The following KAZN variants were observed in gnomAD, a reference collection of about 807,000 sequenced individuals.
KAZN encodes the protein kazrin.
In KAZN, 40 loss-of-function variants were observed where a neutral mutation model predicts 87.4. The ratio of observed to expected loss-of-function variants is 0.46; its 90% CI spans 0.36 to 0.60. The LOEUF is 0.60. KAZN is among the 20% of genes least tolerant of loss of function. The pLI, the probability that KAZN is intolerant of heterozygous loss-of-function variation, is 0.00. For synonymous variants in KAZN, 466 were observed against 458.3 expected, an observed-to-expected ratio of 1.02 and a Z score of -0.22; for missense variants, 898 against 1,073.9, an observed-to-expected ratio of 0.84 and a Z score of 2.29.
intron 1 of KAZN, among the ~76,000 whole-genome samples, chr1:14,107,363 TTTTGTTTG>T (rs143992993): frequency 0.14 from 21,835 of 151,436 alleles, 2,109 homozygotes; most frequent in Middle Eastern, 0.26. Context: ...CAAGATGGTT[TTTTGTTTG>T]TTTGTTTGTT....
At chr1:14,008,077 T>C (rs1472962999) in intron 1 of KAZN, among the ~76,000 whole-genome samples, 1 of 152,198 alleles carries the variant, frequency 6.6e-6, no homozygotes, top group African/African-American at 2.4e-5. Flanking sequence ...TAGAAGTAAT[T>C]GGCATTGTGG....
chr1:15,098,804 C>T (rs761609703), intron 10 of KAZN, among the ~76,000 whole-genome samples: 1 of 152,264 alleles, frequency 6.6e-6, no homozygotes, highest in Non-Finnish European at 1.5e-5. Context: ...AGATGACCCG[C>T]TCACCCAGCA....
chr1:14,611,463 G>A (rs1289057799), intron 1 of KAZN, among the ~76,000 whole-genome samples: 1 of 152,128 alleles, frequency 6.6e-6, no homozygotes, highest in African/African-American at 2.4e-5. Context: ...GAGGTGGGAG[G>A]ATTGCTTGAG....
At position 15,075,475 on chromosome 1, in the gene KAZN, G is replaced by C. The variant is rs184124296; in HGVS notation, c.1222+9722G>C. ...ACCACACCTTTTACTCTCATTCGGTGGATCACCGACTGGAAACTATTGGGA... is the reference window on the plus strand; with the variant it reads ...ACCACACCTTTTACTCTCATTCGGTCGATCACCGACTGGAAACTATTGGGA... On this transcript the variant is annotated intron_variant, in intron 8 of 14. Coordinates refer to ENST00000376030, the MANE Select transcript of KAZN (RefSeq NM_201628.3). 1.2e-4 allele frequency among the ~76,000 whole-genome samples: 18 copies of C among 152,312 alleles called. No homozygotes were observed. The East Asian group carries it at 3.5e-3, about 29-fold the overall frequency.
chr1:14,393,842 CAAAAAAAA>C (rs35205129), intron 2 of KAZN, among the ~76,000 whole-genome samples: 1 of 87,020 alleles, frequency 1.1e-5, no homozygotes, highest in Non-Finnish European at 2.1e-5. Context: ...GACCCAATCT[CAAAAAAAA>C]AAAAAAAAAA....
chr1:14,322,607 G>A (rs957806224), intron 2 of KAZN, among the ~76,000 whole-genome samples: 3 of 152,176 alleles, frequency 2.0e-5, no homozygotes, highest in Non-Finnish European at 2.9e-5. Context: ...GAATGGACTA[G>A]GTTATGCTGT....
chr1:15,006,453 G>C (rs1333024572), intron 2 of KAZN, among the ~76,000 whole-genome samples: 6 of 152,178 alleles, frequency 3.9e-5, no homozygotes, highest in African/African-American at 1.4e-4. Context: ...TCCTGACAGC[G>C]AGCCGGGAAA....
intron 2 of KAZN, among the ~76,000 whole-genome samples, chr1:14,528,183 C>A (rs1335088694): frequency 6.6e-6 from 1 of 151,384 alleles, no homozygotes; most frequent in Non-Finnish European, 1.5e-5. Flanking sequence ...ACTAAAAATA[C>A]AAAAATTAGC....
chr1:14,866,740 A>G (rs1409775603), intron 1 of KAZN, among the ~76,000 whole-genome samples: 1 of 152,098 alleles, frequency 6.6e-6, no homozygotes, highest in East Asian at 1.9e-4. Flanking sequence ...AAAAAAAAAA[A>G]TGTTGAAGGA....
chr1:15,055,986 C>G, intron 4 of KAZN, 105 bp from the exon 5 acceptor site: 2 of 1,120,796 alleles, frequency 1.8e-6, no homozygotes, highest in Non-Finnish European at 1.3e-6. Flanking sequence ...ATACCCGGTG[C>G]AGAGGATCCG....
intron 1 of KAZN, among the ~76,000 whole-genome samples, chr1:14,068,670 T>G (rs935035174): frequency 3.3e-5 from 5 of 152,238 alleles, no homozygotes; most frequent in Admixed American, 6.5e-5. Flanking sequence ...GGGGCTTTCA[T>G]TGCCCTTGCA....
chr1:14,636,947 A>G (rs537589393), intron 1 of KAZN, among the ~76,000 whole-genome samples: 1 of 152,326 alleles, frequency 6.6e-6, no homozygotes, highest in South Asian at 2.1e-4. Context: ...CCTGAAGTTC[A>G]GACATGTCAC....
At chr1:13,925,436 C>T (rs910986797) in intron 1 of KAZN, among the ~76,000 whole-genome samples, 5 of 152,088 alleles carry the variant, frequency 3.3e-5, no homozygotes, top group Admixed American at 2.6e-4. Context: ...GAAAAGGCCT[C>T]AATGTGGCAG....
chr1:14,278,040 G>C (rs1425095239), intron 2 of KAZN, among the ~76,000 whole-genome samples: 1 of 151,472 alleles, frequency 6.6e-6, no homozygotes, highest in Non-Finnish European at 1.5e-5. Flanking sequence ...AGAGGTGGCA[G>C]GTGCCTATAA....
At chr1:14,827,841 G>A (rs979551217) in intron 1 of KAZN, among the ~76,000 whole-genome samples, 4 of 152,240 alleles carry the variant, frequency 2.6e-5, no homozygotes, top group African/African-American at 9.6e-5. Context: ...TGGCTAAGGT[G>A]GAACAGGAGC....
At chr1:14,117,936 A>C (rs952445293) in intron 1 of KAZN, among the ~76,000 whole-genome samples, 13 of 152,162 alleles carry the variant, frequency 8.5e-5, no homozygotes, top group Non-Finnish European at 5.9e-5. Context: ...ATCATTGATG[A>C]GCACCCTTTG....
At chr1:15,005,011 C>T (rs1331967050) in intron 2 of KAZN, among the ~76,000 whole-genome samples, 1 of 151,978 alleles carries the variant, frequency 6.6e-6, no homozygotes, top group Non-Finnish European at 1.5e-5. Context: ...GTAAATACGC[C>T]CAGGTTGCTA....
At chr1:15,106,324 G>T (rs1413944341) in intron 13 of KAZN, among the ~76,000 whole-genome samples, 1 of 152,158 alleles carries the variant, frequency 6.6e-6, no homozygotes, top group Non-Finnish European at 1.5e-5. Context: ...CAGGAGCCAT[G>T]AATCAAAAGA....
chr1:14,635,336 G>A (rs75799368), intron 1 of KAZN, among the ~76,000 whole-genome samples: 3 of 152,178 alleles, frequency 2.0e-5, no homozygotes, highest in Non-Finnish European at 4.4e-5. Context: ...AACATCCCTG[G>A]TCTCCACCCA....
Sources: gnomAD v4.1 joint callset for allele counts (sites outside exome capture counted in the v4.1 genomes callset) on GRCh38, gnomAD v4.1.1 for gene constraint, MANE v1.5 for transcripts, NCBI Gene and HGNC (gene_info 2026-07-23, HGNC 2026-07-21) for gene names.